Variants in ZFHX3 observed in about 807,000 individuals in gnomAD.
ZFHX3 encodes the protein zinc finger homeobox protein 3.
In ZFHX3, 42 loss-of-function variants were observed where a neutral mutation model predicts 279.1. The ratio of observed to expected loss-of-function variants is 0.15; its 90% CI spans 0.12 to 0.19. The LOEUF is 0.19. ZFHX3 is among the 10% of genes least tolerant of loss of function. The pLI is 1.00. For missense variants in ZFHX3, 4,981 were observed against 4,754.0 expected, an observed-to-expected ratio of 1.05 and a Z score of -1.40; for synonymous variants, 2,293 against 1,957.8, an observed-to-expected ratio of 1.17 and a Z score of -4.52.
intron 2 of ZFHX3, among the ~76,000 whole-genome samples, chr16:73,557,064 C>T (rs1269604855): frequency 2.2e-5 from 3 of 138,550 alleles, no homozygotes; most frequent in Non-Finnish European, 4.6e-5. Context: ...CACTGCACTC[C>T]ACCCTGGGGG....
intron 4 of ZFHX3, among the ~76,000 whole-genome samples, chr16:72,888,061 C>T (rs1025346137): frequency 6.6e-6 from 1 of 152,010 alleles, no homozygotes; most frequent in African/African-American, 2.4e-5. Flanking sequence ...AAACAAGAAA[C>T]AGTCGTAGAA....
intron 4 of ZFHX3, among the ~76,000 whole-genome samples, chr16:73,274,001 A>G (rs746173274): frequency 6.6e-6 from 1 of 152,026 alleles, no homozygotes; most frequent in African/African-American, 2.4e-5. Context: ...AAAATTAGCT[A>G]GGCATGGTGG....
chr16:73,705,516 C>T (rs9932311), intron 1 of ZFHX3, among the ~76,000 whole-genome samples: 1 of 152,146 alleles, frequency 6.6e-6, no homozygotes, highest in Non-Finnish European at 1.5e-5. Flanking sequence ...CCTTCAATTC[C>T]TGAGTGGCCA....
intron 1 of ZFHX3, among the ~76,000 whole-genome samples, chr16:73,716,447 C>T (rs377405837): frequency 2.0e-4 from 30 of 152,276 alleles, no homozygotes; most frequent in Non-Finnish European, 3.8e-4. Flanking sequence ...ATTAAAAAGA[C>T]GGGCTATTTT....
chr16:73,275,525 C>G (rs1038991846), intron 4 of ZFHX3, among the ~76,000 whole-genome samples: 1 of 152,134 alleles, frequency 6.6e-6, no homozygotes, highest in Admixed American at 6.5e-5. Flanking sequence ...CATGCATAAT[C>G]AAGACTTCCA....
chr16:73,551,890 A>T (rs986672955), intron 2 of ZFHX3, among the ~76,000 whole-genome samples: 1 of 152,188 alleles, frequency 6.6e-6, no homozygotes, highest in Admixed American at 6.5e-5. Context: ...TCCATGTGCT[A>T]TTAATATTGT....
At chr16:73,661,365 T>C (rs1321498614) in intron 2 of ZFHX3, among the ~76,000 whole-genome samples, 1 of 152,180 alleles carries the variant, frequency 6.6e-6, no homozygotes, top group Non-Finnish European at 1.5e-5. Context: ...TTGGAACATA[T>C]AAGCATGAAA....
At chr16:73,359,831 A>C (rs1309735235) in intron 3 of ZFHX3, among the ~76,000 whole-genome samples, 1 of 152,226 alleles carries the variant, frequency 6.6e-6, no homozygotes, top group Admixed American at 6.5e-5. Context: ...GAAGCCGCTA[A>C]TTTGATAAGA....
intron 2 of ZFHX3, among the ~76,000 whole-genome samples, chr16:73,622,694 G>T (rs1170635987): frequency 6.6e-6 from 1 of 152,136 alleles, no homozygotes; most frequent in Non-Finnish European, 1.5e-5. Context: ...AGATTTCTGG[G>T]GGCTTCCCAG....
At chr16:72,948,004 A>G (rs1465827163) in intron 3 of ZFHX3, among the ~76,000 whole-genome samples, 1 of 152,196 alleles carries the variant, frequency 6.6e-6, no homozygotes, top group Non-Finnish European at 1.5e-5. Flanking sequence ...CGAAACCTTG[A>G]GAGGGAGCCT....
In ZFHX3 at chr16:72,958,914, A is replaced by AGTACCGAGC. The variant is rs1567606024; in HGVS notation, c.1223_1231dup (p.Val410_Leu411insArgSerVal). On this transcript the variant is annotated inframe_insertion, in exon 2 of 10. Coordinates refer to ENST00000268489, the MANE Select transcript of ZFHX3 (RefSeq NM_006885.4). Reference sequence around the variant, plus strand: ...GGGGACTGAGGTAATGGGGGTCTTCAGTACCGAGCTGGTGAGCCCGCCAAG... The same window carrying AGTACCGAGC: ...GGGGACTGAGGTAATGGGGGTCTTCAGTACCGAGCGTACCGAGCTGGTGAGCCCGCCAAG... The AGTACCGAGC allele has an allele frequency of 6.2e-7, 1 of 1,603,062 alleles. No homozygotes were observed. Among genetic ancestry groups the AGTACCGAGC allele is most frequent in the Non-Finnish European group, 8.5e-7 (1 of 1,174,260 alleles).
chr16:73,439,964 G>C (rs1030203094), intron 3 of ZFHX3, among the ~76,000 whole-genome samples: 1 of 150,478 alleles, frequency 6.6e-6, no homozygotes, highest in Admixed American at 6.6e-5. Flanking sequence ...AAGGGCCAAG[G>C]CTTCAAAAGA....
At chr16:73,488,720 C>T (rs1198350745) in intron 2 of ZFHX3, among the ~76,000 whole-genome samples, 7 of 152,278 alleles carry the variant, frequency 4.6e-5, no homozygotes, top group East Asian at 1.9e-4. Context: ...CAGCAAAAGT[C>T]GTCTGTCATC....
chr16:73,641,266 AC>A (rs1196336682), intron 2 of ZFHX3, among the ~76,000 whole-genome samples: 1 of 152,176 alleles, frequency 6.6e-6, no homozygotes, highest in Non-Finnish European at 1.5e-5. Context: ...AATAAAAAAA[AC>A]TTCAGGAAAA....
rs182673556 is a variant in ZFHX3, at chr16:73,177,425, A to T, written c.-1103-33594T>A. 6.5e-4 allele frequency among the ~76,000 whole-genome samples: 99 copies of T among 152,358 alleles called. No homozygotes were observed. The Middle Eastern group carries it at 0.01, about 16-fold the overall frequency. On this transcript the variant is annotated intron_variant, in intron 5 of 17. Coordinates refer to the ZFHX3 transcript ENST00000641206. ...AGAAAATGTTTCTTTAATGTGACAC[A>T]TATCGTCATAATGGCACCTTACATT...
intron 4 of ZFHX3, among the ~76,000 whole-genome samples, chr16:73,296,877 A>ATTTTTTTTTTTTTTTTTT (rs201366558): frequency 4.3e-5 from 5 of 116,082 alleles, no homozygotes; most frequent in African/African-American, 1.4e-4. Flanking sequence ...TGAAGCAGGA[A>ATTTTTTTTTTTTTTTTTT]TTTTTTTTTT....
chr16:73,730,209 G>C (rs947027767), intron 1 of ZFHX3, among the ~76,000 whole-genome samples: 3 of 152,090 alleles, frequency 2.0e-5, no homozygotes, highest in Admixed American at 1.3e-4. Flanking sequence ...AAATGCAAAG[G>C]ACAGAATATG....
intron 2 of ZFHX3, among the ~76,000 whole-genome samples, chr16:73,478,398 T>C (rs554801337): frequency 1.1e-4 from 16 of 152,238 alleles, no homozygotes; most frequent in Non-Finnish European, 1.3e-4. Context: ...GCTTCTTCCC[T>C]GCTAGTTTAT....
chr16:73,613,826 G>T (rs533880877), intron 2 of ZFHX3, among the ~76,000 whole-genome samples: 1 of 152,210 alleles, frequency 6.6e-6, no homozygotes, highest in African/African-American at 2.4e-5. Context: ...TAATCTGGCA[G>T]AAACAGTCAA....
Sources: gnomAD v4.1 joint callset for allele counts (sites outside exome capture counted in the v4.1 genomes callset) on GRCh38, gnomAD v4.1.1 for gene constraint, MANE v1.5 for transcripts, NCBI Gene and HGNC (gene_info 2026-07-23, HGNC 2026-07-21) for gene names.